ACACA: variants seen among roughly 807,000 people sequenced by gnomAD.
ACACA encodes acetyl-CoA carboxylase 1.
Under a neutral mutation model 296.1 loss-of-function variants are expected in ACACA, and 103 were observed. That is an observed-to-expected ratio of 0.35 (90% CI 0.30 to 0.41). The LOEUF (loss-of-function observed/expected upper bound fraction) is 0.41. Ranked by LOEUF, ACACA falls within the 10% of genes least tolerant of loss-of-function variation. The pLI, the probability that ACACA is intolerant of heterozygous loss-of-function variation, is 1.00. For missense variants in ACACA, 1,554 were observed against 2,989.7 expected (o/e 0.52, Z 11.20); for synonymous variants, 953 against 1,038.6 (o/e 0.92, Z 1.58).
At chr17:37,249,017 G>A (rs973847644) in intron 16 of ACACA, among the ~76,000 whole-genome samples, 4 of 151,906 alleles carry the variant, frequency 2.6e-5, no homozygotes, top group Non-Finnish European at 5.9e-5. Flanking sequence ...TCCCAATTTC[G>A]CCCTCCCCCC....
At position 37,339,870 on chromosome 17, in the gene ACACA, T is replaced by G. The variant is rs1437234562; in HGVS notation, c.39-20A>C. On this transcript the variant is annotated intron_variant, in intron 1 of 55. Coordinates refer to ENST00000616317, the MANE Select transcript of ACACA (RefSeq NM_198834.3). ...AAAGACCTAGAGAGAAAGAGAAAGA[T>G]TTTAAGGTTTTTTTTTTTAAGAAAC... 4 of 1,227,910 alleles carry G rather than the reference T, an allele frequency of 3.3e-6. No homozygotes were observed. The highest frequency in any genetic ancestry group is 2.9e-5 in the African/African-American group (2 of 69,522). The allele number at this position is 1,227,910 out of a possible 1,614,324, so 76.1% of individuals were successfully genotyped here. A position where few individuals can be genotyped will look rare whatever the true frequency, so the allele number is the denominator to read the frequency against.
At chr17:37,295,952 T>G (rs574930338) in intron 3 of ACACA, among the ~76,000 whole-genome samples, 4 of 150,960 alleles carry the variant, frequency 2.6e-5, no homozygotes, top group Admixed American at 1.3e-4. Flanking sequence ...AAATAAAAAA[T>G]AAAAAAAAGA....
intron 24 of ACACA, among the ~76,000 whole-genome samples, chr17:37,235,619 AAC>A: frequency 6.6e-6 from 1 of 152,190 alleles, no homozygotes. Flanking sequence ...AATCAGTAGG[AAC>A]AGTTTTAGCT....
chr17:37,181,545 A>T (rs116006206), intron 39 of ACACA, among the ~76,000 whole-genome samples, 189 bp from the exon 40 acceptor site: 2,789 of 151,902 alleles, frequency 0.018, 84 homozygotes, highest in African/African-American at 0.063. Flanking sequence ...AACTCCAAAA[A>T]ATATATATAT....
chr17:37,112,084 AC>A lies in ACACA; in HGVS notation c.6453-442del, dbSNP rs60057658. ...TATCTATCTATCTATCTATCTATCT[AC>A]CTCACCTATACCACAGCTGTCAGTC... On this transcript the variant is annotated intron_variant, in intron 51 of 55. Coordinates refer to ENST00000616317, the MANE Select transcript of ACACA (RefSeq NM_198834.3). Among the ~76,000 whole-genome samples the A allele has an allele frequency of 2.3e-3, 349 of 149,654 alleles. 1 individual carries two copies. Among genetic ancestry groups the A allele is most frequent in the African/African-American group, 8.4e-3 (341 of 40,578 alleles).
intron 1 of ACACA, among the ~76,000 whole-genome samples, chr17:37,395,690 G>A (rs765813422): frequency 6.6e-6 from 1 of 152,054 alleles, no homozygotes; most frequent in Non-Finnish European, 1.5e-5. Context: ...TTACAGGCAT[G>A]CACCACCATG....
intron 6 of ACACA, among the ~76,000 whole-genome samples, chr17:37,277,509 C>T (rs2082330663): frequency 6.6e-6 from 1 of 152,122 alleles, no homozygotes; most frequent in Non-Finnish European, 1.5e-5. Context: ...GAGTTTTTTC[C>T]TCTTTGGGCT....
intron 43 of ACACA, among the ~76,000 whole-genome samples, chr17:37,153,652 A>G (rs2076128403): frequency 1.3e-5 from 2 of 152,216 alleles, no homozygotes; most frequent in Admixed American, 1.3e-4. Context: ...TTTTCGATTT[A>G]TGTATATAAT....
At chr17:37,378,544 C>T (rs941900440) in intron 1 of ACACA, among the ~76,000 whole-genome samples, 7 of 152,090 alleles carry the variant, frequency 4.6e-5, no homozygotes, top group Non-Finnish European at 7.3e-5. Context: ...GAAACCCCAT[C>T]TCTACTAAAG....
intron 1 of ACACA, among the ~76,000 whole-genome samples, chr17:37,381,692 A>G (rs370107508): frequency 7.2e-6 from 1 of 138,248 alleles, no homozygotes; most frequent in Non-Finnish European, 1.5e-5. Context: ...CAGTGGTGCG[A>G]TCTCAGCTCA....
At chr17:37,141,784 C>T (rs905419117) in intron 45 of ACACA, among the ~76,000 whole-genome samples, 2 of 151,996 alleles carry the variant, frequency 1.3e-5, no homozygotes, top group Non-Finnish European at 2.9e-5. Flanking sequence ...CTCTGCCTCC[C>T]AGGTTCAAGT....
chr17:37,208,931 G>C (rs1191035593), intron 30 of ACACA, among the ~76,000 whole-genome samples: 1 of 152,212 alleles, frequency 6.6e-6, no homozygotes, highest in East Asian at 1.9e-4. Context: ...AGGGGGAAGA[G>C]AGACGACAAC....
chr17:37,279,050 C>T (rs946333046), intron 5 of ACACA, among the ~76,000 whole-genome samples: 8 of 151,950 alleles, frequency 5.3e-5, no homozygotes, highest in Non-Finnish European at 7.4e-5. Flanking sequence ...GACATTTATG[C>T]GGCCAACAAA....
intron 32 of ACACA, 111 bp downstream of exon 32, chr17:37,206,672 G>A: frequency 2.3e-6 from 2 of 864,706 alleles, no homozygotes; most frequent in East Asian, 2.6e-5. Flanking sequence ...CTATAAAGTG[G>A]GGTAAAAGGA....
chr17:37,322,618 C>T (rs1367002482), intron 3 of ACACA, among the ~76,000 whole-genome samples: 1 of 152,086 alleles, frequency 6.6e-6, no homozygotes, highest in Non-Finnish European at 1.5e-5. Flanking sequence ...AATCCTGTGC[C>T]CAAATAAACC....
At chr17:37,112,228 T>C (rs2074015049) in intron 51 of ACACA, among the ~76,000 whole-genome samples, 2 of 152,202 alleles carry the variant, frequency 1.3e-5, no homozygotes, top group South Asian at 4.2e-4. Context: ...TAGTGCATAC[T>C]AATGATGTTC....
chr17:37,088,686 G>A (rs1181667399), intron 55 of ACACA, among the ~76,000 whole-genome samples: 2 of 152,134 alleles, frequency 1.3e-5, no homozygotes. Flanking sequence ...AGCATTCAGA[G>A]CTAAGAGGTG....
chr17:37,168,353 T>C (rs1267652691), intron 41 of ACACA, among the ~76,000 whole-genome samples: 1 of 152,182 alleles, frequency 6.6e-6, no homozygotes, highest in African/African-American at 2.4e-5. Flanking sequence ...TTTTTTTCCA[T>C]TCTCCAAATT....
intron 25 of ACACA, among the ~76,000 whole-genome samples, chr17:37,231,820 C>T (rs2079872475): frequency 1.3e-5 from 2 of 152,140 alleles, no homozygotes; most frequent in South Asian, 2.1e-4. Flanking sequence ...CTTAATCTGG[C>T]TAAAGATTAA....
Sources: allele counts gnomAD v4.1 joint callset (sites outside exome capture counted in the v4.1 genomes callset), GRCh38; gene constraint gnomAD v4.1.1; transcripts MANE v1.5; gene names NCBI Gene and HGNC (gene_info 2026-07-23, HGNC 2026-07-21).